The following SEMA5A variants were observed in gnomAD, a reference collection of about 807,000 sequenced individuals.
SEMA5A encodes the protein semaphorin-5A.
Under a neutral mutation model 135.5 loss-of-function variants are expected in SEMA5A, and 55 were observed. The ratio of observed to expected loss-of-function variants is 0.41; its 90% confidence interval spans 0.33 to 0.51. SEMA5A has a LOEUF of 0.51. SEMA5A is among the 20% of genes least tolerant of loss of function. The pLI is 0.37. For synonymous variants in SEMA5A, 580 were observed against 546.5 expected, an observed-to-expected ratio of 1.06 and a Z score of -0.85; for missense variants, 1,290 against 1,419.9, an observed-to-expected ratio of 0.91 and a Z score of 1.47.
At chr5:9,141,817 G>A (rs75753718) in intron 12 of SEMA5A, among the ~76,000 whole-genome samples, 3,597 of 152,188 alleles carry the variant, frequency 0.024, 69 homozygotes, top group Admixed American at 0.034. Context: ...TTATTAATAA[G>A]TACAATTCCT....
intron 2 of SEMA5A, among the ~76,000 whole-genome samples, chr5:9,397,298 A>T (rs1470820576): frequency 6.6e-6 from 1 of 152,204 alleles, no homozygotes; most frequent in Admixed American, 6.5e-5. Flanking sequence ...ATAAACATAC[A>T]TTTCTATAAT....
At chr5:9,288,993 G>C (rs574412765) in intron 5 of SEMA5A, among the ~76,000 whole-genome samples, 4 of 152,290 alleles carry the variant, frequency 2.6e-5, no homozygotes, top group African/African-American at 9.6e-5. Context: ...TCCTAGCGTA[G>C]TGACATTGCC....
intron 5 of SEMA5A, among the ~76,000 whole-genome samples, chr5:9,285,303 A>G (rs1377090448): frequency 6.6e-6 from 1 of 152,132 alleles, no homozygotes; most frequent in Non-Finnish European, 1.5e-5. Flanking sequence ...TGCAAACACC[A>G]TCTTGTTATT....
At chr5:9,465,609 T>C (rs1365531070) in intron 1 of SEMA5A, among the ~76,000 whole-genome samples, 1 of 152,238 alleles carries the variant, frequency 6.6e-6, no homozygotes, top group Non-Finnish European at 1.5e-5. Context: ...CATAGGATAC[T>C]ACAAGTAATC....
At chr5:9,368,657 TC>T (rs1755013580) in intron 3 of SEMA5A, among the ~76,000 whole-genome samples, 1 of 152,208 alleles carries the variant, frequency 6.6e-6, no homozygotes, top group East Asian at 1.9e-4. Context: ...GAATACATAT[TC>T]TTTTGTATCT....
rs10037308 is a variant in SEMA5A at position 9,081,797 on chromosome 5, T to G, written c.2074-15151A>C. ...TGTACTTCAACTTTAACAATTCCAT[T>G]AAAACTCTGAAGTTCAGTCCACTAT... On this transcript the variant is annotated intron_variant, in intron 16 of 22. Coordinates refer to ENST00000382496, the MANE Select transcript of SEMA5A (RefSeq NM_003966.3). Among the ~76,000 whole-genome samples, 1,286 of 152,290 alleles carry G rather than the reference T, an allele frequency of 8.4e-3. 24 individuals carry two copies. The highest frequency in any genetic ancestry group is 0.03 in the African/African-American group (1,239 of 41,550).
intron 1 of SEMA5A, among the ~76,000 whole-genome samples, chr5:9,494,301 G>A (rs1281145251): frequency 1.3e-5 from 2 of 152,126 alleles, no homozygotes; most frequent in Non-Finnish European, 2.9e-5. Flanking sequence ...CATAGAAATA[G>A]AACATCAAGG....
At position 9,053,201 on chromosome 5, in the gene SEMA5A, G is replaced by T. The variant is rs560834645; in HGVS notation, c.2689+886C>A. On this transcript the variant is annotated intron_variant, in intron 19 of 22. Transcript: ENST00000382496. ...CCAAGCTATTTCTGGGATGGTGGTG[G>T]TGGTGGAGGCCCCAAGCGCCTGCAT... Among the ~76,000 whole-genome samples the T allele has an allele frequency of 4.6e-5, 7 of 152,156 alleles. No individual in the cohort carries two copies. The South Asian group carries it at 1.2e-3, about 27-fold the overall frequency.
intron 12 of SEMA5A, among the ~76,000 whole-genome samples, chr5:9,153,552 G>A (rs1272759097): frequency 6.6e-6 from 1 of 152,116 alleles, no homozygotes; most frequent in East Asian, 1.9e-4. Context: ...TACCCTCTCT[G>A]CAGGCTCAGG....
chr5:9,312,485 A>C (rs775203313), intron 5 of SEMA5A, among the ~76,000 whole-genome samples: 5 of 152,168 alleles, frequency 3.3e-5, no homozygotes, highest in Admixed American at 1.3e-4. Context: ...CTTGGTCTTT[A>C]AATGTTAAGA....
chr5:9,382,414 A>G, intron 2 of SEMA5A, among the ~76,000 whole-genome samples: 1 of 152,184 alleles, frequency 6.6e-6, no homozygotes, highest in East Asian at 1.9e-4. Flanking sequence ...GAAAGAAAGG[A>G]AAGAGGCCTT....
At chr5:9,352,960 T>C (rs1247504088) in intron 3 of SEMA5A, among the ~76,000 whole-genome samples, 2 of 150,350 alleles carry the variant, frequency 1.3e-5, no homozygotes, top group Admixed American at 1.3e-4. Context: ...AATCATAGAG[T>C]AAAAGGCTCA....
At chr5:9,452,865 C>G (rs1373322182) in intron 1 of SEMA5A, among the ~76,000 whole-genome samples, 1 of 152,180 alleles carries the variant, frequency 6.6e-6, no homozygotes, top group South Asian at 2.1e-4. Flanking sequence ...GCAAAAAGCT[C>G]GTTTTAAGGC....
At chr5:9,500,010 C>T (rs1376633001) in intron 1 of SEMA5A, among the ~76,000 whole-genome samples, 1 of 152,058 alleles carries the variant, frequency 6.6e-6, no homozygotes, top group Admixed American at 6.6e-5. Flanking sequence ...TATATGAGAT[C>T]TGAAGCTCCA....
intron 12 of SEMA5A, among the ~76,000 whole-genome samples, chr5:9,140,022 A>G (rs1402679626): frequency 1.3e-5 from 2 of 152,232 alleles, no homozygotes; most frequent in East Asian, 3.8e-4. Context: ...AACCCCACAC[A>G]AAACAAACAA....
intron 16 of SEMA5A, among the ~76,000 whole-genome samples, chr5:9,105,176 T>C (rs1465058677): frequency 1.3e-5 from 2 of 152,310 alleles, no homozygotes; most frequent in East Asian, 1.9e-4. Context: ...GCTTTTGACA[T>C]TGAGCAATTT....
intron 9 of SEMA5A, among the ~76,000 whole-genome samples, chr5:9,197,732 G>T (rs40685): frequency 2.4e-4 from 13 of 53,628 alleles, no homozygotes; most frequent in African/African-American, 6.5e-4. Context: ...AGCTGTTTGT[G>T]TGTGTGTGTG....
At chr5:9,314,509 A>T (rs894253203) in intron 5 of SEMA5A, among the ~76,000 whole-genome samples, 2 of 152,092 alleles carry the variant, frequency 1.3e-5, no homozygotes, top group Non-Finnish European at 2.9e-5. Flanking sequence ...TACTTTTTTC[A>T]GTGTGCCTAG....
chr5:9,471,863 T>C (rs1759490024), intron 1 of SEMA5A, among the ~76,000 whole-genome samples: 3 of 152,224 alleles, frequency 2.0e-5, no homozygotes. Flanking sequence ...TGCTCTGTGG[T>C]ATGCTTTTAT....
Sources: allele counts gnomAD v4.1 joint callset (sites outside exome capture counted in the v4.1 genomes callset), GRCh38; gene constraint gnomAD v4.1.1; transcripts MANE v1.5; gene names NCBI Gene and HGNC (gene_info 2026-07-23, HGNC 2026-07-21).